EML6: variants seen among roughly 807,000 people sequenced by gnomAD.
EML6 encodes the protein EMAP like 6, also known as echinoderm microtubule-associated protein-like 6.
EML6 carries 154 observed loss-of-function variants against 240.1 expected under a neutral mutation model. That is an observed-to-expected ratio of 0.64 (90% CI 0.56 to 0.73). The LOEUF (loss-of-function observed/expected upper bound fraction) is 0.73, where lower values mean the gene tolerates loss of function less well. Ranked by LOEUF, EML6 falls within the 30% of genes least tolerant of loss-of-function variation. The pLI is 0.00. For synonymous variants in EML6, 1,148 were observed against 899.0 expected (o/e 1.28, Z -4.95); for missense variants, 2,964 against 2,474.6 (o/e 1.20, Z -4.20).
intron 2 of EML6, among the ~76,000 whole-genome samples, chr2:54,782,221 T>A (rs1304060394): frequency 6.6e-6 from 1 of 152,242 alleles, no homozygotes; most frequent in African/African-American, 2.4e-5. Context: ...TCATTGTTAA[T>A]CTTCTTTGTT....
chr2:54,750,016 T>C (rs556234597), intron 2 of EML6, among the ~76,000 whole-genome samples: 2 of 152,294 alleles, frequency 1.3e-5, no homozygotes, highest in Admixed American at 6.5e-5. Context: ...TTTTTTTCCT[T>C]GATGTTTGCT....
chr2:54,805,698 C>G (rs1670431602), intron 2 of EML6, among the ~76,000 whole-genome samples: 1 of 151,998 alleles, frequency 6.6e-6, no homozygotes, highest in South Asian at 2.1e-4. Flanking sequence ...CCAATTTCTC[C>G]TTTGTGTAAT....
chr2:54,798,319 C>T lies in EML6; in HGVS notation c.198-14913C>T, dbSNP rs113478987. Among the ~76,000 whole-genome samples the T allele has an allele frequency of 5.1e-4, 77 of 152,116 alleles. 1 individual carries two copies. Among genetic ancestry groups the T allele is most frequent in the African/African-American group, 9.4e-4 (39 of 41,488 alleles). On this transcript the variant is annotated intron_variant, in intron 2 of 41. Coordinates refer to ENST00000356458, the MANE Select transcript of EML6 (RefSeq NM_001039753.4). ...TCCTGAGTAGCTGGGATTATAGGTGCGCACCACCATGCCTGGCTAATTTAT... is the reference window on the plus strand; with the variant it reads ...TCCTGAGTAGCTGGGATTATAGGTGTGCACCACCATGCCTGGCTAATTTAT...
chr2:54,966,924 T>C lies in EML6; in HGVS notation c.5494-76T>C. The C allele has an allele frequency of 3.2e-6, 3 of 936,488 alleles. No individual in the cohort carries two copies. In the Admixed American group the frequency reaches 6.7e-5, roughly 21 times the overall value. 58.0% of individuals were successfully genotyped at this position (936,488 alleles called of 1,614,324 possible). A position where few individuals can be genotyped will look rare whatever the true frequency, so the allele number is the denominator to read the frequency against. On this transcript the variant is annotated intron_variant, in intron 38 of 41. Coordinates refer to ENST00000356458, the MANE Select transcript of EML6 (RefSeq NM_001039753.4). ...GGGATGCAGAGGCTGGGCAGTGTTC[T>C]GGGAAACTGTGCCCAAAGGGAGTCT...
chr2:54,839,249 T>C (rs1282192223), intron 7 of EML6, among the ~76,000 whole-genome samples: 2 of 152,218 alleles, frequency 1.3e-5, no homozygotes, highest in Non-Finnish European at 2.9e-5. Context: ...TTACCACTCT[T>C]GCATGCAGAA....
intron 3 of EML6, among the ~76,000 whole-genome samples, chr2:54,813,935 C>T (rs113098860): frequency 7.9e-5 from 12 of 152,316 alleles, no homozygotes; most frequent in African/African-American, 2.6e-4. Flanking sequence ...CTGACATCCT[C>T]TCCTTTCCAT....
intron 28 of EML6, among the ~76,000 whole-genome samples, chr2:54,937,116 C>A (rs996451115): frequency 3.0e-4 from 45 of 151,798 alleles, no homozygotes; most frequent in African/African-American, 9.2e-4. Context: ...CCCATCTCTA[C>A]TAAACATATA....
intron 19 of EML6, among the ~76,000 whole-genome samples, chr2:54,892,870 C>T (rs1354493019): frequency 1.3e-5 from 2 of 152,172 alleles, no homozygotes; most frequent in African/African-American, 4.8e-5. Context: ...AACTTCTCTG[C>T]ACTTTTTCCA....
At chr2:54,767,540 A>G (rs568053267) in intron 2 of EML6, among the ~76,000 whole-genome samples, 1 of 151,904 alleles carries the variant, frequency 6.6e-6, no homozygotes, top group African/African-American at 2.4e-5. Flanking sequence ...AGTTCTGTGT[A>G]TCACATATTT....
At chr2:54,835,576 A>G (rs1164195732) in intron 7 of EML6, among the ~76,000 whole-genome samples, 3 of 152,220 alleles carry the variant, frequency 2.0e-5, no homozygotes, top group Non-Finnish European at 4.4e-5. Context: ...GCCCCAGAGC[A>G]GAGAGCAGAC....
In EML6 at chr2:54,961,186, T is replaced by TGTTTTTTTTGTTTTG. The variant is rs796179489; in HGVS notation, c.4968+852_4968+853insGTTTTTTTTGTTTTG. Among the ~76,000 whole-genome samples, 2 of 93,166 alleles carry TGTTTTTTTTGTTTTG rather than the reference T, an allele frequency of 2.1e-5. 1 individual carries two copies. The highest frequency in any genetic ancestry group is 4.3e-5 in the Non-Finnish European group (2 of 46,948). 61.1% of individuals were successfully genotyped at this position (93,166 alleles called of 152,430 possible). On this transcript the variant is annotated intron_variant, in intron 35 of 41. Coordinates refer to ENST00000356458, the MANE Select transcript of EML6 (RefSeq NM_001039753.4). ...AGCCTGGAAGTTATCAGGAAGTAGT[T>TGTTTTTTTTGTTTTG]TTTTTTTTTTTTTTTTTGAGACGGA...
chr2:54,933,546 A>C (rs538200089), intron 28 of EML6, among the ~76,000 whole-genome samples: 1 of 152,066 alleles, frequency 6.6e-6, no homozygotes, highest in African/African-American at 2.4e-5. Flanking sequence ...CCAGCCTAGG[A>C]AACATGGTGA....
chr2:54,932,473 C>T (rs1051817404), intron 28 of EML6, among the ~76,000 whole-genome samples: 4 of 152,202 alleles, frequency 2.6e-5, no homozygotes, highest in Non-Finnish European at 5.9e-5. Context: ...AGGAACCCTT[C>T]CAAACCTTCC....
At chr2:54,785,991 C>T (rs1010151262) in intron 2 of EML6, among the ~76,000 whole-genome samples, 1 of 151,370 alleles carries the variant, frequency 6.6e-6, no homozygotes, top group Non-Finnish European at 1.5e-5. Context: ...ATGGTTATGG[C>T]CAGGAGGAAG....
Position 54,968,265 on chromosome 2 carries a change from C to T in EML6, c.5735C>T (p.Pro1912Leu). 1 of 1,551,738 alleles carries T rather than the reference C, an allele frequency of 6.4e-7. No individual in the cohort carries two copies. Among genetic ancestry groups the T allele is most frequent in the Non-Finnish European group, 8.7e-7 (1 of 1,146,994 alleles). ...DFGLVKLFDFPCTEKFAKHKR... is the reference protein window; with the variant it reads ...DFGLVKLFDFLCTEKFAKHKR... The stretch of plus-strand genomic sequence containing the variant: ...GGGCTGGTGAAGCTCTTTGATTTTC[C>T]ATGCACAGAAAAATTTGTGAGTGTT... The change falls in exon 40 of 42, where the codon CCA becomes CTA. Residue 1912 changes from proline (P) to leucine (L), a missense_variant. By Grantham distance (98) the Pro-to-Leu change is moderately conservative. Coordinates refer to ENST00000356458, the MANE Select transcript of EML6 (RefSeq NM_001039753.4).
intron 2 of EML6, among the ~76,000 whole-genome samples, chr2:54,766,335 T>C (rs1572872338): frequency 6.6e-6 from 1 of 152,230 alleles, no homozygotes; most frequent in Non-Finnish European, 1.5e-5. Context: ...TTTTGTCTTC[T>C]TTGATCTAGA....
rs144047022 is a variant in EML6 at position 54,764,530 on chromosome 2, T to C, written c.197+39272T>C. Among the ~76,000 whole-genome samples, 3 of 152,344 alleles carry C rather than the reference T, an allele frequency of 2.0e-5. No homozygotes were observed. The East Asian group carries it at 5.8e-4, about 29-fold the overall frequency. The stretch of plus-strand genomic sequence containing the variant: ...TTGCACTTGTCTGCTTCTTGTTGCT[T>C]GTGTAGGCATGTTTGCATTGCTTAC... On this transcript the variant is annotated intron_variant, in intron 2 of 41. Coordinates refer to ENST00000356458, the MANE Select transcript of EML6 (RefSeq NM_001039753.4).
chr2:54,760,830 T>C, intron 2 of EML6, among the ~76,000 whole-genome samples: 1 of 135,798 alleles, frequency 7.4e-6, no homozygotes, highest in East Asian at 4.0e-4. Flanking sequence ...GCATTTTTTT[T>C]TTTTTTTTTT....
intron 17 of EML6, chr2:54,881,769 C>T (rs1362926579): frequency 6.6e-6 from 1 of 152,160 alleles, no homozygotes; most frequent in South Asian, 2.1e-4. Flanking sequence ...GCCTAATTCA[C>T]AGAGAAGCTG....
Sources: gnomAD v4.1 joint callset for allele counts (sites outside exome capture counted in the v4.1 genomes callset) on GRCh38, gnomAD v4.1.1 for gene constraint, MANE v1.5 for transcripts, NCBI Gene and HGNC (gene_info 2026-07-23, HGNC 2026-07-21) for gene names.